Variants in LIN28B observed in about 807,000 individuals in gnomAD.
The protein encoded by LIN28B is lin-28 RNA binding posttranscriptional regulator B, also known as protein lin-28 homolog B.
A neutral mutation model predicts 21.9 loss-of-function variants in LIN28B; 5 were observed. The ratio of observed to expected loss-of-function variants is 0.23; its 90% CI spans 0.12 to 0.48. The LOEUF is 0.48. LIN28B is among the 20% of genes least tolerant of loss of function. LIN28B has a pLI of 0.98. For synonymous variants in LIN28B, 109 were observed against 111.3 expected, an observed-to-expected ratio of 0.98 and a Z score of 0.13; for missense variants, 245 against 310.5, an observed-to-expected ratio of 0.79 and a Z score of 1.58.
Position 104,945,302 on chromosome 6 carries a change from G to A in LIN28B, c.19-5159G>A, listed in dbSNP as rs77522079. Among the ~76,000 whole-genome samples the A allele has an allele frequency of 9.1e-4, 139 of 152,082 alleles. 1 individual carries two copies. The East Asian group carries it at 0.025, about 28-fold the overall frequency. On this transcript the variant is annotated intron_variant, in intron 2 of 5. Transcript: ENST00000635857. Reference sequence around the variant, plus strand: ...CCAGTGTTGTAAGGATGAGTAACTTGTAAAGTGTCTCTTTATCTTTATTAA... The same window carrying A: ...CCAGTGTTGTAAGGATGAGTAACTTATAAAGTGTCTCTTTATCTTTATTAA...
At chr6:105,061,333 T>A (rs1772117833) in intron 3 of LIN28B, among the ~76,000 whole-genome samples, 1 of 152,000 alleles carries the variant, frequency 6.6e-6, no homozygotes, top group African/African-American at 2.4e-5. Context: ...AATGGAACAG[T>A]AGGAGATGGT....
upstream of LIN28B, among the ~76,000 whole-genome samples, chr6:104,955,043 T>C (rs1027981780): frequency 6.6e-6 from 1 of 152,200 alleles, no homozygotes; most frequent in African/African-American, 2.4e-5. Flanking sequence ...CATGAATACT[T>C]TCTGAGATTT....
chr6:104,992,136 A>G (rs1021838518), intron 2 of LIN28B, among the ~76,000 whole-genome samples: 1 of 151,368 alleles, frequency 6.6e-6, no homozygotes, highest in Non-Finnish European at 1.5e-5. Flanking sequence ...ATCTCGGCTC[A>G]CCGTAACCTC....
intron 3 of LIN28B, among the ~76,000 whole-genome samples, chr6:105,068,274 A>G (rs1441202822): frequency 1.3e-5 from 2 of 152,218 alleles, no homozygotes; most frequent in Non-Finnish European, 2.9e-5. Flanking sequence ...AAAGTTGTGC[A>G]CATAGTAGAT....
chr6:105,020,283 A>G (rs1355637616), intron 2 of LIN28B, among the ~76,000 whole-genome samples: 1 of 151,156 alleles, frequency 6.6e-6, no homozygotes, highest in East Asian at 1.9e-4. Context: ...GCCCCTGTTC[A>G]TATTATTTAA....
intron 3 of LIN28B, among the ~76,000 whole-genome samples, chr6:105,053,061 T>C (rs1771940402): frequency 6.6e-6 from 1 of 152,140 alleles, no homozygotes; most frequent in Non-Finnish European, 1.5e-5. Context: ...AAATCTTAAT[T>C]TATTTTTTCA....
chr6:104,972,298 A>C (rs1386544236), intron 2 of LIN28B, among the ~76,000 whole-genome samples: 1 of 152,132 alleles, frequency 6.6e-6, no homozygotes, highest in Non-Finnish European at 1.5e-5. Flanking sequence ...ATAAAAAGAT[A>C]AACAAAAGCC....
intron 2 of LIN28B, among the ~76,000 whole-genome samples, chr6:105,015,623 T>C (rs1453521671): frequency 6.6e-6 from 1 of 152,192 alleles, no homozygotes; most frequent in Admixed American, 6.5e-5. Flanking sequence ...TCTGCTGCTG[T>C]CTGTGTTAAT....
At chr6:105,042,273 A>G (rs1771653942) in intron 3 of LIN28B, among the ~76,000 whole-genome samples, 1 of 152,216 alleles carries the variant, frequency 6.6e-6, no homozygotes, top group Non-Finnish European at 1.5e-5. Context: ...TGGATTACAG[A>G]GTAGCCAGTC....
At position 104,958,149 on chromosome 6, in the gene LIN28B, G is replaced by T. The variant is rs752009326; in HGVS notation, c.61G>T (p.Ala21Ser). 14 of 1,606,446 alleles carry T rather than the reference G, an allele frequency of 8.7e-6. No homozygotes were observed. The highest frequency in any genetic ancestry group is 1.1e-5 in the Non-Finnish European group (13 of 1,174,506). The change falls in exon 2 of 4, where the codon GCA (alanine) becomes TCA (serine). Residue 21 changes from alanine to serine, a missense_variant. By Grantham distance (99) the Ala-to-Ser change is moderately conservative. Coordinates refer to ENST00000345080, the MANE Select transcript of LIN28B (RefSeq NM_001004317.4). ...AGAGCCCGGGAAGCTGCCGGAGCCG[G>T]CAGAGGAGGAATCCCAGGTTTTGCG... is the stretch of plus-strand genomic sequence containing the variant. ...GEEPGKLPEP[A>S]EEESQVLRGT...
In LIN28B at chr6:104,947,831, G is replaced by A. The variant is rs367794088; in HGVS notation, c.19-2630G>A. ...ATAATCAACCTCGGTACAGGAATTC[G>A]TTGTCATTGGTTCAAAAAATATAAT... On this transcript the variant is annotated intron_variant, in intron 2 of 5. Transcript: ENST00000635857. Among the ~76,000 whole-genome samples the A allele has an allele frequency of 2.7e-5, 4 of 147,024 alleles. No individual in the cohort carries two copies. The Admixed American group carries it at 2.7e-4, about 10-fold the overall frequency.
At chr6:104,996,260 A>C (rs1373384269) in intron 2 of LIN28B, among the ~76,000 whole-genome samples, 1 of 152,224 alleles carries the variant, frequency 6.6e-6, no homozygotes, top group East Asian at 1.9e-4. Flanking sequence ...GGAATATAGC[A>C]GGGCTAAAAC....
intron 3 of LIN28B, among the ~76,000 whole-genome samples, chr6:105,075,804 C>T (rs379908): frequency 0.78 from 118,152 of 152,056 alleles, 46,793 homozygotes; most frequent in Non-Finnish European, 0.86. Context: ...GTGCATACCA[C>T]GGTGACTGAT....
At position 105,043,036 on chromosome 6, in the gene LIN28B, G is replaced by A. The variant is rs550673435; in HGVS notation, c.383+16554G>A. Among the ~76,000 whole-genome samples the A allele has an allele frequency of 1.1e-4, 17 of 152,218 alleles. 1 individual carries two copies. In the South Asian group the frequency reaches 2.9e-3, roughly 26 times the overall value. ...GGAAAGAACCTCTGAACTGTCCTTT[G>A]CTCACTGGAAGAATATATTCCATTT... On this transcript the variant is annotated intron_variant, in intron 3 of 3. Transcript: ENST00000345080.
chr6:104,945,060 T>C (rs2114545248), intron 2 of LIN28B, among the ~76,000 whole-genome samples: 1 of 152,270 alleles, frequency 6.6e-6, no homozygotes, highest in Admixed American at 6.5e-5. Context: ...TTTTCAAACA[T>C]TTTTCTGTGC....
intron 3 of LIN28B, among the ~76,000 whole-genome samples, chr6:105,048,337 G>A (rs1296531988): frequency 6.6e-6 from 1 of 152,190 alleles, no homozygotes; most frequent in African/African-American, 2.4e-5. Context: ...ATTTGCATAT[G>A]TTGAACCAGC....
At chr6:105,013,319 G>A (rs1770960442) in intron 2 of LIN28B, among the ~76,000 whole-genome samples, 1 of 151,808 alleles carries the variant, frequency 6.6e-6, no homozygotes, top group Admixed American at 6.6e-5. Context: ...CTGCATTGTG[G>A]TTTTAATTCC....
At chr6:104,948,656 A>G (rs1239589469) in intron 2 of LIN28B, among the ~76,000 whole-genome samples, 1 of 152,214 alleles carries the variant, frequency 6.6e-6, no homozygotes, top group Non-Finnish European at 1.5e-5. Context: ...TCTCATTCCT[A>G]TTATAGTTGT....
chr6:104,941,815 T>C (rs1324232439), intron 2 of LIN28B, among the ~76,000 whole-genome samples: 1 of 152,226 alleles, frequency 6.6e-6, no homozygotes, highest in Non-Finnish European at 1.5e-5. Context: ...ACTGGAACAT[T>C]GGATGCGGGT....
Sources: gnomAD v4.1 joint callset for allele counts (sites outside exome capture counted in the v4.1 genomes callset) on GRCh38, gnomAD v4.1.1 for gene constraint, MANE v1.5 for transcripts, NCBI Gene and HGNC (gene_info 2026-07-23, HGNC 2026-07-21) for gene names.